The following IKZF4 variants were observed in gnomAD, a reference collection of about 807,000 sequenced individuals.
The protein encoded by IKZF4 is IKAROS family zinc finger 4.
A neutral mutation model predicts 47.7 loss-of-function variants in IKZF4; 11 were observed. That is an observed-to-expected ratio of 0.23 (90% CI 0.15 to 0.38). The LOEUF (loss-of-function observed/expected upper bound fraction) is 0.38, where lower values mean the gene tolerates loss of function less well. IKZF4 is among the 10% of genes least tolerant of loss of function. The pLI, the probability that IKZF4 is intolerant of heterozygous loss-of-function variation, is 1.00. For missense variants in IKZF4, 557 were observed against 784.9 expected (o/e 0.71, Z 3.47); for synonymous variants, 298 against 299.4 (o/e 1.00, Z 0.05).
upstream of IKZF4, among the ~76,000 whole-genome samples, chr12:56,016,905 T>C (rs1486543577): frequency 6.6e-6 from 1 of 152,008 alleles, no homozygotes; most frequent in African/African-American, 2.4e-5. Context: ...TAATTTTGTA[T>C]TTTTAGTGGA....
intron 4 of IKZF4, among the ~76,000 whole-genome samples, 181 bp from the exon 5 acceptor site, chr12:56,027,594 GGGTAA>G (rs1894236662): frequency 6.6e-6 from 1 of 152,126 alleles, no homozygotes; most frequent in African/African-American, 2.4e-5. Context: ...ACCTTCCCCA[GGGTAA>G]GACCCCAGGG....
At chr12:56,020,703 G>A (rs559418384), upstream of IKZF4, among the ~76,000 whole-genome samples, 1 of 152,264 alleles carries the variant, frequency 6.6e-6, no homozygotes, top group Admixed American at 6.5e-5. Flanking sequence ...GAAATGGGGA[G>A]ACCGTACCAG....
chr12:56,026,689 C>CA (rs531342295), intron 3 of IKZF4, 92 bp from the exon 4 acceptor site: 64,783 of 927,336 alleles, frequency 0.07, 3 homozygotes, highest in Non-Finnish European at 0.074. Context: ...AATTCCATCT[C>CA]AAAAAAAAAA....
chr12:56,021,590 G>C lies in IKZF4; in HGVS notation c.87+10G>C. The C allele has an allele frequency of 6.3e-7, 1 of 1,591,264 alleles. No homozygotes were observed. Among genetic ancestry groups the C allele is most frequent in the Admixed American group, 1.8e-5 (1 of 55,940 alleles). ...GCAAGGGAAGGATAATGTAAGTTCAGGCAGAAGGCGGCTAGTGGAGGGAGG... is the reference window on the plus strand; with the variant it reads ...GCAAGGGAAGGATAATGTAAGTTCACGCAGAAGGCGGCTAGTGGAGGGAGG... On this transcript the variant is annotated intron_variant, in intron 1 of 7. Transcript: ENST00000547167.
intron 2 of IKZF4, 190 bp from the exon 3 acceptor site, chr12:56,024,864 A>G: frequency 6.8e-7 from 1 of 1,472,402 alleles, no homozygotes. Flanking sequence ...CACTGAGCTC[A>G]CAGAAGGCAG....
intron 5 of IKZF4, among the ~76,000 whole-genome samples, chr12:56,028,792 T>C (rs1253956162): frequency 6.6e-6 from 1 of 152,084 alleles, no homozygotes. Flanking sequence ...CCCAGGCTTG[T>C]CTTGAACTCT....
upstream of IKZF4, chr12:56,018,158 T>C (rs1192095935): frequency 7.8e-7 from 1 of 1,289,374 alleles, no homozygotes; most frequent in Non-Finnish European, 1.0e-6. Context: ...AAGACTGCAA[T>C]GGCCGCTCCT....
chr12:56,010,343 G>A (rs1474156290), intron 1 of IKZF4: 1 of 152,182 alleles, frequency 6.6e-6, no homozygotes, highest in Non-Finnish European at 1.5e-5. Flanking sequence ...TGATATGAAT[G>A]ACCTGGTCCA....
chr12:56,019,558 A>C (rs1892575467), upstream of IKZF4: 1 of 173,670 alleles, frequency 5.8e-6, no homozygotes, highest in Non-Finnish European at 1.1e-5. Context: ...TATTAGAACA[A>C]AAGTCATGGC....
At chr12:56,018,221 C>G (rs1389431230), upstream of IKZF4, 1 of 1,272,620 alleles carries the variant, frequency 7.9e-7, no homozygotes, top group Non-Finnish European at 1.0e-6. Flanking sequence ...TGGAAGCAGA[C>G]ACTCTCCTGT....
chr12:56,012,378 G>A (rs531542315), intron 2 of IKZF4, among the ~76,000 whole-genome samples: 6 of 150,816 alleles, frequency 4.0e-5, no homozygotes, highest in African/African-American at 9.8e-5. Context: ...GGGTTCAAGC[G>A]ATTCTCCTGC....
chr12:56,033,959 G>A (rs1437014262), intron 7 of IKZF4, among the ~76,000 whole-genome samples: 1 of 152,038 alleles, frequency 6.6e-6, no homozygotes, highest in Non-Finnish European at 1.5e-5. Context: ...GAATGCAGTG[G>A]CACGATCTCG....
At chr12:56,013,368 G>C (rs747960804) in intron 2 of IKZF4, among the ~76,000 whole-genome samples, 70 of 152,046 alleles carry the variant, frequency 4.6e-4, no homozygotes, top group Non-Finnish European at 9.3e-4. Context: ...GCTAATTTTT[G>C]TATTTTTAGT....
chr12:56,033,470 G>A, intron 7 of IKZF4, 149 bp downstream of exon 7: 4 of 888,262 alleles, frequency 4.5e-6, no homozygotes, highest in Non-Finnish European at 7.0e-6. Context: ...CACTTTGGGA[G>A]GCCAAGGTGG....
intron 2 of IKZF4, chr12:56,024,758 C>G: frequency 7.9e-7 from 1 of 1,262,144 alleles, no homozygotes; most frequent in South Asian, 1.6e-5. Context: ...CCTCTCCGCC[C>G]TGGCGCACCC....
chr12:56,012,492 C>T (rs1369705560), intron 2 of IKZF4, among the ~76,000 whole-genome samples: 2 of 151,990 alleles, frequency 1.3e-5, no homozygotes, highest in Admixed American at 1.3e-4. Context: ...AGGCTGGTCT[C>T]GAACTCCTGA....
At chr12:56,025,231 C>G (rs1350154489) in intron 3 of IKZF4, 73 bp downstream of exon 3, 2 of 1,429,072 alleles carry the variant, frequency 1.4e-6, no homozygotes, top group Non-Finnish European at 1.9e-6. Flanking sequence ...TCACCTTCCA[C>G]TGGCAACCAT....
intron 2 of IKZF4, among the ~76,000 whole-genome samples, chr12:56,013,141 G>A (rs1405722540): frequency 1.2e-4 from 19 of 152,214 alleles, no homozygotes; most frequent in Admixed American, 7.2e-4. Context: ...TCAGCTCACA[G>A]CTGAATTTAC....
chr12:56,028,005 G>A (rs1170950003), intron 5 of IKZF4, 58 bp downstream of exon 5: 48 of 1,471,138 alleles, frequency 3.3e-5, no homozygotes, highest in Non-Finnish European at 4.3e-5. Flanking sequence ...AGTATGTAGA[G>A]CTCAGTGACT....
Sources: gnomAD v4.1 joint callset for allele counts (sites outside exome capture counted in the v4.1 genomes callset) on GRCh38, gnomAD v4.1.1 for gene constraint, MANE v1.5 for transcripts, NCBI Gene and HGNC (gene_info 2026-07-23, HGNC 2026-07-21) for gene names.